The following ASTN2 variants were observed in gnomAD, a reference collection of about 807,000 sequenced individuals.
ASTN2 encodes the protein astrotactin 2.
A neutral mutation model predicts 139.8 loss-of-function variants in ASTN2; 54 were observed. The observed-to-expected ratio is 0.39, with a 90% CI of 0.31 to 0.48. The LOEUF (loss-of-function observed/expected upper bound fraction) is 0.48. Among genes scored for constraint, ASTN2 ranks in the 20% least tolerant of loss-of-function variants. The pLI, the probability that ASTN2 is intolerant of heterozygous loss-of-function variation, is 0.95. For missense variants in ASTN2, 1,565 were observed against 1,725.1 expected, an observed-to-expected ratio of 0.91 and a Z score of 1.64; for synonymous variants, 756 against 719.5, an observed-to-expected ratio of 1.05 and a Z score of -0.81.
At chr9:116,921,520 G>A (rs1000259835) in intron 10 of ASTN2, among the ~76,000 whole-genome samples, 2 of 151,160 alleles carry the variant, frequency 1.3e-5, no homozygotes, top group Admixed American at 6.6e-5. Flanking sequence ...CCTGGGAAGC[G>A]GAGCTTGCAG....
chr9:117,364,393 G>C (rs533290238), intron 1 of ASTN2, among the ~76,000 whole-genome samples: 1 of 152,182 alleles, frequency 6.6e-6, no homozygotes, highest in Admixed American at 6.5e-5. Flanking sequence ...CAGATGTAAG[G>C]TTAAAGAAAG....
Position 117,214,455 on chromosome 9 carries a change from G to T in ASTN2, c.918C>A (p.Asn306Lys). The stretch of plus-strand genomic sequence containing the variant: ...CAAACTCGTCCTCGCGGGAGACATG[G>T]TTGGCCCGCCTAGGTGGCTCCTCAT... ...EEDEEPPRRA[N>K]HVSREDEFGS... is the part of the protein sequence containing the mutation. Residue 306 changes from asparagine (N) to lysine (K), a missense_variant, in exon 3 of 23, where the codon AAC becomes AAA. Physicochemically the swap from Asn to Lys is moderately conservative, Grantham distance 94. Around this residue, in one of 4 missense-constraint regions of ASTN2, gnomAD observed 596 missense variants for 576.8 expected, o/e 1.03. Coordinates refer to ENST00000313400, the MANE Select transcript of ASTN2 (RefSeq NM_001365068.1). 6.2e-7 allele frequency: 1 copy of T among 1,614,176 alleles called. No individual in the cohort carries two copies. The highest frequency in any genetic ancestry group is 8.5e-7 in the Non-Finnish European group (1 of 1,180,024).
chr9:116,786,035 T>A (rs765948005), intron 13 of ASTN2, among the ~76,000 whole-genome samples: 2 of 152,128 alleles, frequency 1.3e-5, no homozygotes, highest in African/African-American at 2.4e-5. Context: ...ATTTGTAACC[T>A]TTTTTCCTAC....
intron 12 of ASTN2, among the ~76,000 whole-genome samples, chr9:116,816,787 G>A (rs1214015412): frequency 6.6e-6 from 1 of 151,980 alleles, no homozygotes; most frequent in Non-Finnish European, 1.5e-5. Flanking sequence ...AAACTGATGA[G>A]AGGGCAGCCA....
intron 10 of ASTN2, among the ~76,000 whole-genome samples, chr9:116,916,015 C>A (rs529267228): frequency 9.1e-4 from 138 of 152,276 alleles, no homozygotes; most frequent in African/African-American, 3.1e-3. Context: ...TTCAAACCCA[C>A]ATGGAGTTTT....
chr9:117,039,930 T>C lies in ASTN2; in HGVS notation c.1312A>G (p.Thr438Ala), dbSNP rs1337747200. ...LKSPVNKTAL[T>A]LIAVSSCILA... ...ATGCAGGAACTCACAGCAATCAGTG[T>C]CAGGGCTGTCTTGTTCACTGGGCTT... Residue 438 changes from threonine (T) to alanine (A), a missense_variant, in exon 6 of 23, where the codon ACA (threonine) becomes GCA (alanine). Transcript: ENST00000313400. 1 of 1,613,694 alleles carries C rather than the reference T, an allele frequency of 6.2e-7. No individual in the cohort carries two copies. The highest frequency in any genetic ancestry group is 2.2e-5 in the East Asian group (1 of 44,802).
At chr9:116,589,608 G>A (rs996122418) in intron 19 of ASTN2, among the ~76,000 whole-genome samples, 29 of 152,166 alleles carry the variant, frequency 1.9e-4, no homozygotes, top group African/African-American at 6.0e-4. Flanking sequence ...TGGTGGAGGC[G>A]AAGGGAATAG....
At chr9:116,502,889 AAG>A (rs1387682155) in intron 19 of ASTN2, among the ~76,000 whole-genome samples, 3 of 147,068 alleles carry the variant, frequency 2.0e-5, no homozygotes, top group Non-Finnish European at 4.5e-5. Context: ...GGAAGGAAAG[AAG>A]AAGGGAAGGA....
At chr9:117,032,085 C>CAGTAAT (rs1481976270) in intron 6 of ASTN2, among the ~76,000 whole-genome samples, 2 of 151,644 alleles carry the variant, frequency 1.3e-5, no homozygotes, top group African/African-American at 4.9e-5. Context: ...GTAACAGTAA[C>CAGTAAT]AGTAATAGGA....
intron 13 of ASTN2, among the ~76,000 whole-genome samples, chr9:116,763,508 T>G (rs751746811): frequency 2.0e-5 from 3 of 152,030 alleles, no homozygotes; most frequent in Non-Finnish European, 4.4e-5. Flanking sequence ...CACTCAGACT[T>G]CCTGCAAAGA....
At chr9:116,489,668 T>A (rs1407905255) in intron 19 of ASTN2, among the ~76,000 whole-genome samples, 1 of 152,226 alleles carries the variant, frequency 6.6e-6, no homozygotes, top group Admixed American at 6.5e-5. Flanking sequence ...AAGAGTTTCA[T>A]TCTTCGTCTC....
intron 8 of ASTN2, 148 bp downstream of exon 8, chr9:116,976,553 G>T: frequency 1.6e-6 from 1 of 632,228 alleles, no homozygotes; most frequent in Admixed American, 3.0e-5. Flanking sequence ...GGGAAAGTAG[G>T]ATTCACTTCC....
chr9:117,043,024 C>T (rs1161050309), intron 5 of ASTN2, among the ~76,000 whole-genome samples: 1 of 152,090 alleles, frequency 6.6e-6, no homozygotes, highest in Admixed American at 6.6e-5. Flanking sequence ...GCACACACCA[C>T]CACACCCAGC....
intron 2 of ASTN2, among the ~76,000 whole-genome samples, chr9:117,226,033 G>A (rs1366384226): frequency 6.6e-6 from 1 of 152,192 alleles, no homozygotes; most frequent in Non-Finnish European, 1.5e-5. Context: ...CAAGCTCCAT[G>A]TAAGAGGGAA....
intron 19 of ASTN2, among the ~76,000 whole-genome samples, chr9:116,593,639 C>G (rs189853494): frequency 6.6e-6 from 1 of 152,266 alleles, no homozygotes; most frequent in African/African-American, 2.4e-5. Flanking sequence ...CAACTTAGCC[C>G]CATAAACAAC....
rs10983277 is a variant in ASTN2 at position 116,624,812 on chromosome 9, C to T, written c.3073-4369G>A. Among the ~76,000 whole-genome samples, 2,888 of 151,872 alleles carry T rather than the reference C, an allele frequency of 0.019. 391 individuals are homozygous for T. In the South Asian group the frequency reaches 0.29, roughly 15 times the overall value. On this transcript the variant is annotated intron_variant, in intron 17 of 22. Coordinates refer to ENST00000313400, the MANE Select transcript of ASTN2 (RefSeq NM_001365068.1). Reference sequence around the variant, plus strand: ...TCTCCACGGTATTAACAAACTTGGTCATATGGCTGCTCAACCCATAACAAA... The same window carrying T: ...TCTCCACGGTATTAACAAACTTGGTTATATGGCTGCTCAACCCATAACAAA...
chr9:117,241,011 C>T (rs567099206), intron 2 of ASTN2, among the ~76,000 whole-genome samples: 14 of 152,268 alleles, frequency 9.2e-5, no homozygotes, highest in South Asian at 6.2e-4. Context: ...CTTTGTCCAT[C>T]GTAGAAGAGC....
chr9:116,536,960 T>G (rs990176565), intron 19 of ASTN2, among the ~76,000 whole-genome samples: 1 of 152,066 alleles, frequency 6.6e-6, no homozygotes, highest in Non-Finnish European at 1.5e-5. Flanking sequence ...AGAGGTGGAG[T>G]CTACAGAGGC....
At chr9:116,515,779 C>A (rs553705143) in intron 19 of ASTN2, among the ~76,000 whole-genome samples, 1 of 152,282 alleles carries the variant, frequency 6.6e-6, no homozygotes, top group African/African-American at 2.4e-5. Flanking sequence ...ATCTACTGAG[C>A]AGACATCAGA....
Sources: gnomAD v4.1 joint callset for allele counts (sites outside exome capture counted in the v4.1 genomes callset) on GRCh38, gnomAD v4.1.1 for gene constraint, gnomAD v4.1.1 regional missense constraint, MANE v1.5 for transcripts, NCBI Gene and HGNC (gene_info 2026-07-23, HGNC 2026-07-21) for gene names.